SP8: variants seen among roughly 807,000 people sequenced by gnomAD.
SP8 encodes the protein Sp8 transcription factor, also known as transcription factor Sp8.
A neutral mutation model predicts 15.3 loss-of-function variants in SP8; 7 were observed. That is an observed-to-expected ratio of 0.46 (90% CI 0.26 to 0.86). The LOEUF is 0.86. Ranked by LOEUF, SP8 falls within the 40% of genes least tolerant of loss-of-function variation. SP8 has a pLI of 0.16. For synonymous variants in SP8, 415 were observed against 356.3 expected (o/e 1.16, Z -1.86); for missense variants, 731 against 736.4 (o/e 0.99, Z 0.09).
Position 20,784,224 on chromosome 7 carries a change from G to A in SP8, c.*66C>T. 7.5e-7 allele frequency: 1 copy of A among 1,332,874 alleles called. No individual in the cohort carries two copies. The highest frequency in any genetic ancestry group is 1.7e-5 in the South Asian group (1 of 58,080). The allele number at this position is 1,332,874 out of a possible 1,614,324, so 82.6% of individuals were successfully genotyped here. A position where few individuals can be genotyped will look rare whatever the true frequency, so the allele number is the denominator to read the frequency against. On this transcript the variant is annotated 3_prime_UTR_variant, in exon 2 of 2. Transcript: ENST00000418710. ...AGGGAAAGGCTGGAGTTGAAGTCCG[G>A]ACAGACAGGGCCCAAGAGGACTTGG...
chr7:20,784,968 G>A lies in SP8; in HGVS notation c.849C>T (p.Ser283=), dbSNP rs1479095293. Reference sequence around the variant, plus strand: ...GGCTGAGCAGGTGCGAGGAGGCGCCGCTGCTGAAGGCCGAGTGACTCAGGC... The same window carrying A: ...GGCTGAGCAGGTGCGAGGAGGCGCCACTGCTGAAGGCCGAGTGACTCAGGC... ...YSGLSHSAFS[S]GASSHLLSPA... The change falls in exon 2 of 2, where the codon AGC becomes AGT. Residue 283 remains serine, a synonymous_variant. Transcript: ENST00000418710. 6.4e-7 allele frequency: 1 copy of A among 1,565,588 alleles called. No individual in the cohort carries two copies. The highest frequency in any genetic ancestry group is 1.4e-5 in the African/African-American group (1 of 73,080).
Position 20,783,481 on chromosome 7 carries a change from C to G in SP8, c.*809G>C, listed in dbSNP as rs1783556917. On this transcript the variant is annotated 3_prime_UTR_variant, in exon 2 of 2. Transcript: ENST00000418710. Reference sequence around the variant, plus strand: ...AGAAGGGAAACCAAATGGAAGGTTGCTATTTTCCCCCTAGTTTTTTTAAAA... The same window carrying G: ...AGAAGGGAAACCAAATGGAAGGTTGGTATTTTCCCCCTAGTTTTTTTAAAA... The G allele has an allele frequency of 6.6e-6, 1 of 152,198 alleles. No homozygotes were observed. The highest frequency in any genetic ancestry group is 2.1e-4 in the South Asian group (1 of 4,822). The allele number at this position is 152,198 out of a possible 1,614,324, so 9.4% of individuals were successfully genotyped here.
Position 20,786,431 on chromosome 7 carries a change from G to C in SP8, c.21+347C>G, listed in dbSNP as rs1007573424. Among the ~76,000 whole-genome samples, 2 of 152,080 alleles carry C rather than the reference G, an allele frequency of 1.3e-5. No homozygotes were observed. Among genetic ancestry groups the C allele is most frequent in the Non-Finnish European group, 2.9e-5 (2 of 68,012 alleles). On this transcript the variant is annotated intron_variant, in intron 1 of 1. Transcript: ENST00000418710. The surrounding 1 kb of genome is among the most constrained non-coding windows in gnomAD (Gnocchi z 4.4). ...GCAGAATTTTTTTTTAAGGGTTAGG[G>C]GAAGAATCTGCACTTTGCCCAGAAG... is the stretch of plus-strand genomic sequence containing the variant.
rs1360574211 is a variant in SP8 at position 20,785,342 on chromosome 7, C to T, written c.475G>A (p.Gly159Ser). The change falls in exon 2 of 2, where the codon GGC (glycine) becomes AGC (serine). Residue 159 changes from glycine (G) to serine (S), a missense_variant. By Grantham distance (56) the Gly-to-Ser change is moderately conservative. Transcript: ENST00000418710. This position sits in a 1 kb window ranked among gnomAD's most constrained non-coding sequence, Gnocchi z 7.2. ...GAGGAGCCGCCGCCGCCGCCCCCGC[C>T]GCCGCCGCCGCTGCCCCCGGAAACT... ...PGVSGGSGGG[G>S]GGGGGGSSAH... The T allele has an allele frequency of 1.4e-5, 20 of 1,475,576 alleles. No individual in the cohort carries two copies. The highest frequency in any genetic ancestry group is 3.0e-5 in the East Asian group (1 of 33,462). The allele number at this position is 1,475,576 out of a possible 1,614,324, so 91.4% of individuals were successfully genotyped here. A position where few individuals can be genotyped will look rare whatever the true frequency, so the allele number is the denominator to read the frequency against.
Position 20,785,518 on chromosome 7 carries a change from AG to A in SP8, c.298del (p.Leu100TrpfsTer177). ...AAAAAAAAAA[L>X]VSDSFSCGGS... ...GCCGCAGCTGAACGAGTCGGACACCAGGGCCGCGGCAGCCGCGGCTGCTGCC... is the reference window on the plus strand; with the variant it reads ...GCCGCAGCTGAACGAGTCGGACACCAGGCCGCGGCAGCCGCGGCTGCTGCC... On this transcript the variant is annotated frameshift_variant, in exon 2 of 2. Transcript: ENST00000418710. LOFTEE classifies it low-confidence loss of function (END_TRUNC). The surrounding 1 kb of genome is among the most constrained non-coding windows in gnomAD (Gnocchi z 7.2). 1 of 1,451,390 alleles carries A rather than the reference AG, an allele frequency of 6.9e-7. No individual in the cohort carries two copies. The allele number at this position is 1,451,390 out of a possible 1,614,324, so 89.9% of individuals were successfully genotyped here.
Position 20,785,689 on chromosome 7 carries a change from G to T in SP8, c.128C>A (p.Ser43Tyr). 6.2e-7 allele frequency: 1 copy of T among 1,614,048 alleles called. No homozygotes were observed. Among genetic ancestry groups the T allele is most frequent in the African/African-American group, 1.3e-5 (1 of 75,028 alleles). ...CCAGGGGTGGAAGCCTTTGCCGAAG[G>T]AAGAAGAGCTGTCCGAGAGGGAGGA... ...SPSSLSDSSS[S>Y]FGKGFHPWKR... The change falls in exon 2 of 2, where the codon TCC becomes TAC. Residue 43 changes from serine (S) to tyrosine (Y), a missense_variant. Around this residue, in one of 3 missense-constraint regions of SP8, gnomAD observed 586 missense variants for 524.9 expected, o/e 1.12. Coordinates refer to ENST00000418710, the MANE Select transcript of SP8 (RefSeq NM_182700.6). This position sits in a 1 kb window ranked among gnomAD's most constrained non-coding sequence, Gnocchi z 7.2.
rs746807718 is a variant in SP8, at chr7:20,785,414, AGGCGGCGGCTGCGGCGGCGGC to A, written c.382_402del (p.Ala128_Ala134del). 312 of 1,184,370 alleles carry A rather than the reference AGGCGGCGGCTGCGGCGGCGGC, an allele frequency of 2.6e-4. 7 individuals carry two copies. The highest frequency in any genetic ancestry group is 5.7e-4 in the Admixed American group (18 of 31,376). The allele number at this position is 1,184,370 out of a possible 1,614,324, so 73.4% of individuals were successfully genotyped here. A position where few individuals can be genotyped will look rare whatever the true frequency, so the allele number is the denominator to read the frequency against. On this transcript the variant is annotated inframe_deletion, in exon 2 of 2. Coordinates refer to ENST00000418710, the MANE Select transcript of SP8 (RefSeq NM_182700.6). The surrounding 1 kb of genome is among the most constrained non-coding windows in gnomAD (Gnocchi z 7.2). ...TAGTCGTTGGCGAAGGGCGAGCTGG[AGGCGGCGGCTGCGGCGGCGGC>A]GGCGGCGGCTGCGGCGCTGCTGGAG... is the stretch of plus-strand genomic sequence containing the variant.
At position 20,784,875 on chromosome 7, in the gene SP8, C is replaced by A. The variant is rs747164733; in HGVS notation, c.942G>T (p.Pro314=). Residue 314 remains proline (P), a synonymous_variant, in exon 2 of 2, where the codon CCG becomes CCT. Coordinates refer to ENST00000418710, the MANE Select transcript of SP8 (RefSeq NM_182700.6). The part of the protein sequence containing the change: ...VLPGSYPDSA[P]SPLAGAGGSM... The stretch of plus-strand genomic sequence containing the variant: ...AGCCCCCCGCGCCGGCCAGCGGCGA[C>A]GGGGCCGAGTCCGGGTAGGAGCCGG... 23 of 1,526,906 alleles carry A rather than the reference C, an allele frequency of 1.5e-5. No homozygotes were observed. The South Asian group carries it at 2.6e-4, about 18-fold the overall frequency. 94.6% of individuals were successfully genotyped at this position (1,526,906 alleles called of 1,614,324 possible).
rs1243505215 is a variant in SP8, at chr7:20,783,392, T to C, written c.*898A>G. On this transcript the variant is annotated 3_prime_UTR_variant, in exon 2 of 2. Transcript: ENST00000418710. Reference sequence around the variant, plus strand: ...GTTAAGTTAATGCAGTCAAAGTAACTTTGGGATCAATATTAGCAGTTTCGA... The same window carrying C: ...GTTAAGTTAATGCAGTCAAAGTAACCTTGGGATCAATATTAGCAGTTTCGA... 1 of 80,498 alleles carries C rather than the reference T, an allele frequency of 1.2e-5. No individual in the cohort carries two copies. The highest frequency in any genetic ancestry group is 2.3e-5 in the Non-Finnish European group (1 of 44,044). 5.0% of individuals were successfully genotyped at this position (80,498 alleles called of 1,614,324 possible).
Position 20,783,616 on chromosome 7 carries a change from A to AG in SP8, c.*673dup, listed in dbSNP as rs1783562939. 5.3e-3 allele frequency: 1 copy of AG among 188 alleles called. No homozygotes were observed. Among genetic ancestry groups the AG allele is most frequent in the African/African-American group, 0.023 (1 of 44 alleles). 0.0% of individuals were successfully genotyped at this position (188 alleles called of 1,614,324 possible). On this transcript the variant is annotated 3_prime_UTR_variant, in exon 2 of 2. Coordinates refer to ENST00000418710, the MANE Select transcript of SP8 (RefSeq NM_182700.6). Reference sequence around the variant, plus strand: ...CCTCAGGGAACAAAGAAAAAGAGGCAGACTGACATTGGGAGATCTAAACTC... The same window carrying AG: ...CCTCAGGGAACAAAGAAAAAGAGGCAGGACTGACATTGGGAGATCTAAACTC...
In SP8 at chr7:20,785,518, A is replaced by G. The variant is rs1168699273; in HGVS notation, c.299T>C (p.Leu100Pro). The part of the protein sequence containing the change: ...AAAAAAAAAA[L>P]VSDSFSCGGS... ...GCCGCAGCTGAACGAGTCGGACACC[A>G]GGGCCGCGGCAGCCGCGGCTGCTGC... Residue 100 changes from leucine (L) to proline (P), a missense_variant, in exon 2 of 2, where the codon CTG becomes CCG. By Grantham distance (98) the Leu-to-Pro change is moderately conservative (BLOSUM62 -3). Transcript: ENST00000418710. The surrounding 1 kb of genome is among the most constrained non-coding windows in gnomAD (Gnocchi z 7.2). 6.9e-7 allele frequency: 1 copy of G among 1,451,390 alleles called. No individual in the cohort carries two copies. The highest frequency in any genetic ancestry group is 9.0e-7 in the Non-Finnish European group (1 of 1,112,496). The allele number at this position is 1,451,390 out of a possible 1,614,324, so 89.9% of individuals were successfully genotyped here. A position where few individuals can be genotyped will look rare whatever the true frequency, so the allele number is the denominator to read the frequency against.
chr7:20,782,619 C>T lies in SP8; in HGVS notation c.*1671G>A, dbSNP rs1477344290. The stretch of plus-strand genomic sequence containing the variant: ...TAGGAGAACTCTCACTTTAACTATG[C>T]CTGAACTGCCAGCAAATGCAAATAA... On this transcript the variant is annotated 3_prime_UTR_variant, in exon 2 of 2. Coordinates refer to ENST00000418710, the MANE Select transcript of SP8 (RefSeq NM_182700.6). 1 of 152,616 alleles carries T rather than the reference C, an allele frequency of 6.6e-6. No homozygotes were observed. Among genetic ancestry groups the T allele is most frequent in the Non-Finnish European group, 1.5e-5 (1 of 68,036 alleles). 9.5% of individuals were successfully genotyped at this position (152,616 alleles called of 1,614,324 possible).
chr7:20,784,365 G>C lies in SP8; in HGVS notation c.1452C>G (p.Ala484=), dbSNP rs1783595266. The change falls in exon 2 of 2, where the codon GCC becomes GCG. Residue 484 remains alanine (A), a synonymous_variant. Transcript: ENST00000418710. ...GGGAGTGGCAGGGCGGGCTGCCCGC[G>C]GCGCTGTGCTCGCTGTCGGTGTCGC... ...KGSDTDSEHS[A]AGSPPCHSPE... 8 of 1,522,976 alleles carry C rather than the reference G, an allele frequency of 5.3e-6. No individual in the cohort carries two copies. The Admixed American group carries it at 1.0e-4, about 19-fold the overall frequency. 94.3% of individuals were successfully genotyped at this position (1,522,976 alleles called of 1,614,324 possible).
At position 20,784,407 on chromosome 7, in the gene SP8, G is replaced by C; in HGVS notation, c.1410C>G (p.Ser470Arg). ...CGGTGTCGCTGCCCTTCTTGCCGCC[G>C]CTGCCCGAGCCCGCCGAGCCGCCGC... The part of the protein sequence containing the change: ...GGGGGSAGSG[S>R]GGKKGSDTDS... The change falls in exon 2 of 2, where the codon AGC becomes AGG. Residue 470 changes from serine to arginine, a missense_variant. Ser to Arg is a moderately radical substitution (Grantham distance 110). Around this residue, in one of 3 missense-constraint regions of SP8, gnomAD observed 114 missense variants for 111.9 expected, o/e 1.02. Coordinates refer to ENST00000418710, the MANE Select transcript of SP8 (RefSeq NM_182700.6). 1 of 1,527,738 alleles carries C rather than the reference G, an allele frequency of 6.5e-7. No individual in the cohort carries two copies. The highest frequency in any genetic ancestry group is 2.0e-5 in the Admixed American group (1 of 50,316). 94.6% of individuals were successfully genotyped at this position (1,527,738 alleles called of 1,614,324 possible). A position where few individuals can be genotyped will look rare whatever the true frequency, so the allele number is the denominator to read the frequency against.
Position 20,785,420 on chromosome 7 carries a change from C to T in SP8, c.397G>A (p.Ala133Thr), listed in dbSNP as rs1414718744. 9 of 1,319,332 alleles carry T rather than the reference C, an allele frequency of 6.8e-6. No homozygotes were observed. The African/African-American group carries it at 7.7e-5, about 11-fold the overall frequency. The allele number at this position is 1,319,332 out of a possible 1,614,324, so 81.7% of individuals were successfully genotyped here. The stretch of plus-strand genomic sequence containing the variant: ...TTGGCGAAGGGCGAGCTGGAGGCGG[C>T]GGCTGCGGCGGCGGCGGCGGCGGCT... ...AAAAAAAAAA[A>T]ASSSPFANDY... is the part of the protein sequence containing the mutation. The change falls in exon 2 of 2, where the codon GCC becomes ACC. Residue 133 changes from alanine to threonine, a missense_variant. Transcript: ENST00000418710. This position sits in a 1 kb window ranked among gnomAD's most constrained non-coding sequence, Gnocchi z 7.2.
At position 20,784,413 on chromosome 7, in the gene SP8, C is replaced by A. The variant is rs1427043445; in HGVS notation, c.1404G>T (p.Ser468=). Residue 468 remains serine, a synonymous_variant, in exon 2 of 2, where the codon TCG becomes TCT. Coordinates refer to ENST00000418710, the MANE Select transcript of SP8 (RefSeq NM_182700.6). ...CGCTGCCCTTCTTGCCGCCGCTGCC[C>A]GAGCCCGCCGAGCCGCCGCCGCCGC... The part of the protein sequence containing the change: ...GGGGGGGSAG[S]GSGGKKGSDT... The A allele has an allele frequency of 2.6e-6, 4 of 1,528,910 alleles. No individual in the cohort carries two copies. The African/African-American group carries it at 5.6e-5, about 21-fold the overall frequency. The allele number at this position is 1,528,910 out of a possible 1,614,324, so 94.7% of individuals were successfully genotyped here. A position where few individuals can be genotyped will look rare whatever the true frequency, so the allele number is the denominator to read the frequency against.
At position 20,785,538 on chromosome 7, in the gene SP8, T is replaced by C. The variant is rs911129324; in HGVS notation, c.279A>G (p.Ala93=). The C allele has an allele frequency of 1.3e-5, 15 of 1,152,768 alleles. No homozygotes were observed. The highest frequency in any genetic ancestry group is 4.5e-5 in the East Asian group (1 of 22,042). The allele number at this position is 1,152,768 out of a possible 1,614,324, so 71.4% of individuals were successfully genotyped here. The change falls in exon 2 of 2, where the codon GCA becomes GCG. Residue 93 remains alanine, a synonymous_variant. Coordinates refer to ENST00000418710, the MANE Select transcript of SP8 (RefSeq NM_182700.6). This position sits in a 1 kb window ranked among gnomAD's most constrained non-coding sequence, Gnocchi z 7.2. ...ACACCAGGGCCGCGGCAGCCGCGGC[T>C]GCTGCCGCGGCCGCCGCAGCCGCCG... is the stretch of plus-strand genomic sequence containing the variant. ...SSSAAAAAAA[A]AAAAAALVSD... is the part of the protein sequence containing the mutation.
In SP8 at chr7:20,784,203, A is replaced by G. The variant is rs921696978; in HGVS notation, c.*87T>C. On this transcript the variant is annotated 3_prime_UTR_variant, in exon 2 of 2. Coordinates refer to ENST00000418710, the MANE Select transcript of SP8 (RefSeq NM_182700.6). ...AGAGAGCGAGTCGGATGCAATAGGGAAAGGCTGGAGTTGAAGTCCGGACAG... is the reference window on the plus strand; with the variant it reads ...AGAGAGCGAGTCGGATGCAATAGGGGAAGGCTGGAGTTGAAGTCCGGACAG... The G allele has an allele frequency of 6.6e-5, 78 of 1,181,782 alleles. No homozygotes were observed. In the Admixed American group the frequency reaches 2.7e-3, roughly 41 times the overall value. The allele number at this position is 1,181,782 out of a possible 1,614,324, so 73.2% of individuals were successfully genotyped here.
rs749989235 is a variant in SP8, at chr7:20,784,919, C to G, written c.898G>C (p.Gly300Arg). Reference protein sequence around the residue: ...LSPAGQHLMDGFKPVLPGSYP... With the variant: ...LSPAGQHLMDRFKPVLPGSYP... ...GAGCCGGGTAGCACTGGCTTGAAGC[C>G]GTCCATGAGGTGCTGCCCGGCGGGG... The change falls in exon 2 of 2, where the codon GGC (glycine) becomes CGC (arginine). Residue 300 changes from glycine to arginine, a missense_variant. By Grantham distance (125) the Gly-to-Arg change is moderately radical. This residue lies in a region of SP8 where 586 missense variants were observed against 524.9 expected (regional missense o/e 1.12). Transcript: ENST00000418710. 1.3e-4 allele frequency: 201 copies of G among 1,544,976 alleles called. No homozygotes were observed. Among genetic ancestry groups the G allele is most frequent in the Non-Finnish European group, 1.7e-4 (193 of 1,152,132 alleles).
Sources: gnomAD v4.1 joint callset for allele counts (sites outside exome capture counted in the v4.1 genomes callset) on GRCh38, gnomAD v4.1.1 for gene constraint, gnomAD v4.1.1 regional missense constraint, Gnocchi (gnomAD v3.1) non-coding constraint, MANE v1.5 for transcripts, NCBI Gene and HGNC (gene_info 2026-07-23, HGNC 2026-07-21) for gene names.